CMIP: variants seen among roughly 807,000 people sequenced by gnomAD.
CMIP encodes c-Maf inducing protein, also known as C-Maf-inducing protein.
Under a neutral mutation model 97.3 loss-of-function variants are expected in CMIP, and 13 were observed. The observed-to-expected ratio is 0.13, with a 90% CI of 0.09 to 0.21. The LOEUF (loss-of-function observed/expected upper bound fraction) is 0.21, where lower values mean the gene tolerates loss of function less well. Ranked by LOEUF, CMIP falls within the 10% of genes least tolerant of loss-of-function variation. The probability of loss-of-function intolerance (pLI) is 1.00; values close to 1 mark genes in which losing one functional copy is unlikely to be tolerated. For missense variants in CMIP, 847 were observed against 1,024.9 expected (o/e 0.83, Z 2.37); for synonymous variants, 538 against 436.3 (o/e 1.23, Z -2.91).
At chr16:81,451,524 T>C (rs1225209283) in intron 1 of CMIP, among the ~76,000 whole-genome samples, 3 of 152,222 alleles carry the variant, frequency 2.0e-5, no homozygotes, top group African/African-American at 7.2e-5. Flanking sequence ...GTTGTCTCTA[T>C]TTTGATGTTC....
chr16:81,681,974 C>A, intron 10 of CMIP, among the ~76,000 whole-genome samples: 1 of 151,922 alleles, frequency 6.6e-6, no homozygotes, highest in East Asian at 1.9e-4. Flanking sequence ...TTTAGGAGGC[C>A]GAGGCGGGGG....
chr16:81,561,542 G>A (rs1273827591), intron 1 of CMIP, among the ~76,000 whole-genome samples: 1 of 152,160 alleles, frequency 6.6e-6, no homozygotes, highest in African/African-American at 2.4e-5. Flanking sequence ...TATAGAGTGA[G>A]GGGGAAGAGG....
chr16:81,709,739 C>T lies in CMIP; in HGVS notation c.2269-7C>T, dbSNP rs1388820803. Reference sequence around the variant, plus strand: ...CACGTGACAAGGACTCTTATTGCCACCCCCAGGCCAAGCTTCCCAATTTGA... The same window carrying T: ...CACGTGACAAGGACTCTTATTGCCATCCCCAGGCCAAGCTTCCCAATTTGA... On this transcript the variant is annotated splice_region_variant and splice_polypyrimidine_tract_variant and intron_variant, in intron 20 of 20. Coordinates refer to ENST00000537098, the MANE Select transcript of CMIP (RefSeq NM_198390.3). The T allele has an allele frequency of 6.2e-7, 1 of 1,613,700 alleles. No individual in the cohort carries two copies. Among genetic ancestry groups the T allele is most frequent in the Admixed American group, 1.7e-5 (1 of 60,004 alleles).
intron 1 of CMIP, among the ~76,000 whole-genome samples, chr16:81,594,372 A>C (rs1372551656): frequency 6.6e-6 from 1 of 151,524 alleles, no homozygotes; most frequent in Non-Finnish European, 1.5e-5. Flanking sequence ...CACCAGCCTC[A>C]GCCTCCCAAA....
chr16:81,468,428 A>G (rs1157527923), intron 1 of CMIP, among the ~76,000 whole-genome samples: 1 of 152,270 alleles, frequency 6.6e-6, no homozygotes, highest in Non-Finnish European at 1.5e-5. Context: ...ATTGAGGGCA[A>G]GGATGGAACC....
chr16:81,526,231 C>T (rs2090131531), intron 1 of CMIP, among the ~76,000 whole-genome samples: 1 of 152,188 alleles, frequency 6.6e-6, no homozygotes, highest in African/African-American at 2.4e-5. Context: ...CAGGAATTCT[C>T]AACCTTGGGT....
chr16:81,486,751 A>C (rs549313213), intron 1 of CMIP, among the ~76,000 whole-genome samples: 1 of 152,246 alleles, frequency 6.6e-6, no homozygotes, highest in African/African-American at 2.4e-5. Context: ...GGTGGCCGGC[A>C]CTGTTGCAGA....
In CMIP at chr16:81,569,492, C is replaced by G. The variant is rs181288471; in HGVS notation, c.301-38075C>G. On this transcript the variant is annotated intron_variant, in intron 1 of 20. Transcript: ENST00000537098. Reference sequence around the variant, plus strand: ...TGGGCCTCAGGGGATCCTGGCTTCTCTTGAATTCAGTGTTACCTTCCAGCT... The same window carrying G: ...TGGGCCTCAGGGGATCCTGGCTTCTGTTGAATTCAGTGTTACCTTCCAGCT... 6.1e-3 allele frequency among the ~76,000 whole-genome samples: 927 copies of G among 152,286 alleles called. 9 individuals carry two copies. The highest frequency in any genetic ancestry group is 0.021 in the African/African-American group (875 of 41,558).
rs937399900 is a variant in CMIP at position 81,610,580 on chromosome 16, C to A, written c.426+2888C>A. ...TGCCCCTGGCGGCTGTGGTTCTCTC[C>A]CTGGCTGCCATTTCCGTCAGGGGAG... On this transcript the variant is annotated intron_variant, in intron 2 of 20. Transcript: ENST00000537098. The A allele has an allele frequency of 7.6e-5, 74 of 975,254 alleles. 1 individual carries two copies. Among genetic ancestry groups the A allele is most frequent in the Non-Finnish European group, 3.2e-5 (26 of 820,774 alleles). The allele number at this position is 975,254 out of a possible 1,614,324, so 60.4% of individuals were successfully genotyped here.
chr16:81,588,249 T>A (rs1280782342), intron 1 of CMIP, among the ~76,000 whole-genome samples: 1 of 152,148 alleles, frequency 6.6e-6, no homozygotes, highest in Non-Finnish European at 1.5e-5. Flanking sequence ...TTGCATAGTT[T>A]TTGTTTTTTG....
At position 81,628,018 on chromosome 16, in the gene CMIP, G is replaced by A. The variant is rs541994962; in HGVS notation, c.477+7092G>A. Among the ~76,000 whole-genome samples the A allele has an allele frequency of 2.0e-4, 31 of 152,170 alleles. 1 individual carries two copies. Among genetic ancestry groups the A allele is most frequent in the Non-Finnish European group, 3.5e-4 (24 of 68,018 alleles). ...GATCCATCACCCTCATCCCCATGCAGGGGAAAGGCCCAGGGGACCAGGTCA... is the reference window on the plus strand; with the variant it reads ...GATCCATCACCCTCATCCCCATGCAAGGGAAAGGCCCAGGGGACCAGGTCA... On this transcript the variant is annotated intron_variant, in intron 3 of 20. Coordinates refer to ENST00000537098, the MANE Select transcript of CMIP (RefSeq NM_198390.3).
At chr16:81,528,412 C>A (rs1269327852) in intron 1 of CMIP, among the ~76,000 whole-genome samples, 1 of 151,994 alleles carries the variant, frequency 6.6e-6, no homozygotes, top group Non-Finnish European at 1.5e-5. Context: ...AGACAGGGGC[C>A]CGGAGTGAGG....
chr16:81,664,242 A>G, intron 6 of CMIP, 27 bp from the exon 7 acceptor site: 1 of 1,573,196 alleles, frequency 6.4e-7, no homozygotes, highest in Non-Finnish European at 8.6e-7. Flanking sequence ...TTAGGGCCGC[A>G]GTAACTGTAC....
chr16:81,486,457 G>A (rs888575814), intron 1 of CMIP, among the ~76,000 whole-genome samples: 2 of 152,154 alleles, frequency 1.3e-5, no homozygotes, highest in African/African-American at 2.4e-5. Flanking sequence ...GCCCTGAGAC[G>A]CAGTGGCAAC....
intron 1 of CMIP, among the ~76,000 whole-genome samples, chr16:81,577,324 T>G (rs1285542451): frequency 6.9e-6 from 1 of 145,056 alleles, no homozygotes; most frequent in Non-Finnish European, 1.5e-5. Flanking sequence ...CACTACATTA[T>G]TATCACTATC....
chr16:81,453,454 T>C lies in CMIP; in HGVS notation c.300+7913T>C, dbSNP rs1343744006. On this transcript the variant is annotated intron_variant, in intron 1 of 20. Coordinates refer to ENST00000537098, the MANE Select transcript of CMIP (RefSeq NM_198390.3). This position sits in a 1 kb window ranked among gnomAD's most constrained non-coding sequence, Gnocchi z 4.0. Reference sequence around the variant, plus strand: ...GGACTGCTGCTAGCTTCTCTGGGTGTCCTGGGCCAGTGCCAGTTTCCTTAG... The same window carrying C: ...GGACTGCTGCTAGCTTCTCTGGGTGCCCTGGGCCAGTGCCAGTTTCCTTAG... Among the ~76,000 whole-genome samples the C allele has an allele frequency of 2.6e-5, 4 of 152,162 alleles. No homozygotes were observed. The highest frequency in any genetic ancestry group is 2.9e-5 in the Non-Finnish European group (2 of 68,016).
intron 1 of CMIP, among the ~76,000 whole-genome samples, chr16:81,525,631 C>G (rs2090116576): frequency 6.6e-6 from 1 of 152,222 alleles, no homozygotes; most frequent in Admixed American, 6.5e-5. Context: ...ATGTGTGCCA[C>G]TGGCCTAGCC....
intron 3 of CMIP, chr16:81,630,515 A>G (rs1343691025): frequency 6.6e-6 from 1 of 152,192 alleles, no homozygotes; most frequent in Non-Finnish European, 1.5e-5. Context: ...GTGCTCCTGG[A>G]GGCCGGGTCA....
chr16:81,617,120 T>G (rs2091929686), intron 2 of CMIP: 1 of 152,172 alleles, frequency 6.6e-6, no homozygotes, highest in South Asian at 2.1e-4. Context: ...GTTCCTTCTG[T>G]AAAAATGCCT....
Sources: gnomAD v4.1 joint callset for allele counts (sites outside exome capture counted in the v4.1 genomes callset) on GRCh38, gnomAD v4.1.1 for gene constraint, Gnocchi (gnomAD v3.1) non-coding constraint, MANE v1.5 for transcripts, NCBI Gene and HGNC (gene_info 2026-07-23, HGNC 2026-07-21) for gene names.